The following RANBP2 variants were observed in gnomAD, a reference collection of about 807,000 sequenced individuals.
RANBP2 encodes E3 SUMO-protein ligase RanBP2.
In RANBP2, 57 loss-of-function variants were observed where a neutral mutation model predicts 303.6. The observed-to-expected ratio is 0.19, with a 90% CI of 0.15 to 0.23. RANBP2 has a LOEUF of 0.23. RANBP2 is among the 10% of genes least tolerant of loss of function. The pLI, the probability that RANBP2 is intolerant of heterozygous loss-of-function variation, is 1.00. For synonymous variants in RANBP2, 1,167 were observed against 1,301.5 expected, an observed-to-expected ratio of 0.90 and a Z score of 2.23; for missense variants, 3,138 against 3,780.8, an observed-to-expected ratio of 0.83 and a Z score of 4.46.
the RANBP2 span, among the ~76,000 whole-genome samples, chr2:109,119,151 C>G: frequency 3.3e-5 from 5 of 152,324 alleles, no homozygotes; most frequent in African/African-American, 1.2e-4. Context: ...CTTTGTCAGG[C>G]ATGGAGTTCC....
At chr2:109,321,162 C>G in the RANBP2 span, among the ~76,000 whole-genome samples, 17 of 152,244 alleles carry the variant, frequency 1.1e-4, no homozygotes, top group Admixed American at 4.6e-4. Context: ...ATGCACCTCT[C>G]AAACGCTTCT....
chr2:109,657,883 C>A, the RANBP2 span, among the ~76,000 whole-genome samples: 1 of 151,744 alleles, frequency 6.6e-6, no homozygotes, highest in East Asian at 2.0e-4. Context: ...CCAGGCCTGG[C>A]TAATTTTTGT....
the RANBP2 span, among the ~76,000 whole-genome samples, chr2:109,299,706 A>G: frequency 6.6e-6 from 1 of 152,172 alleles, no homozygotes; most frequent in Non-Finnish European, 1.5e-5. Flanking sequence ...CTAAATAATC[A>G]GGGGGATAAA....
the RANBP2 span, among the ~76,000 whole-genome samples, chr2:109,042,052 A>G: frequency 6.6e-6 from 1 of 152,186 alleles, no homozygotes; most frequent in Admixed American, 6.5e-5. Context: ...TGGGGTTTCC[A>G]CATCTATATT....
chr2:109,383,930 A>G, the RANBP2 span, among the ~76,000 whole-genome samples: 7 of 152,292 alleles, frequency 4.6e-5, no homozygotes, highest in African/African-American at 1.7e-4. Flanking sequence ...TCTGTTAGGT[A>G]GAAGGTTCTG....
At chr2:109,196,927 G>A in the RANBP2 span, among the ~76,000 whole-genome samples, 1 of 152,218 alleles carries the variant, frequency 6.6e-6, no homozygotes, top group South Asian at 2.1e-4. Flanking sequence ...TTGCTGAGTA[G>A]TGCGAAGGCT....
chr2:108,754,473 T>C (rs914813749), intron 15 of RANBP2, among the ~76,000 whole-genome samples: 3 of 150,560 alleles, frequency 2.0e-5, no homozygotes, highest in African/African-American at 5.0e-5. Flanking sequence ...ACTACTCTTT[T>C]ATTAGGATTT....
the RANBP2 span, among the ~76,000 whole-genome samples, chr2:108,965,464 C>CAAAA: frequency 2.0e-4 from 28 of 137,356 alleles, no homozygotes; most frequent in African/African-American, 6.2e-4. Context: ...GATTTCGTCT[C>CAAAA]AAAAAAAAAA....
At chr2:109,129,247 C>A in the RANBP2 span, 1 of 578,872 alleles carries the variant, frequency 1.7e-6, no homozygotes, top group South Asian at 1.7e-5. Context: ...CCCCCGGTCC[C>A]CCGCGCGGGG....
the RANBP2 span, among the ~76,000 whole-genome samples, chr2:109,599,072 T>C: frequency 6.6e-6 from 1 of 152,050 alleles, no homozygotes; most frequent in African/African-American, 2.4e-5. Context: ...TGATCTAAAA[T>C]TTTCTTAAAA....
chr2:108,753,668 C>G, intron 14 of RANBP2, 105 bp downstream of exon 14: 4 of 1,586,660 alleles, frequency 2.5e-6, no homozygotes, highest in Non-Finnish European at 2.6e-6. Flanking sequence ...GTGGCACAAT[C>G]TTGGCTCACT....
chr2:108,939,039 A>G, the RANBP2 span, among the ~76,000 whole-genome samples: 1 of 151,228 alleles, frequency 6.6e-6, no homozygotes, highest in Non-Finnish European at 1.5e-5. Flanking sequence ...CAGCCTCCCA[A>G]AGTGCTGGGA....
chr2:109,538,871 CTA>C, the RANBP2 span, among the ~76,000 whole-genome samples: 1 of 152,188 alleles, frequency 6.6e-6, no homozygotes, highest in Non-Finnish European at 1.5e-5. Flanking sequence ...CATTAATCTT[CTA>C]CACAAATTTG....
At chr2:109,015,779 A>T in the RANBP2 span, among the ~76,000 whole-genome samples, 1 of 152,172 alleles carries the variant, frequency 6.6e-6, no homozygotes, top group Non-Finnish European at 1.5e-5. Context: ...TAAATAAAAT[A>T]AAAAAATAAA....
At chr2:108,794,182 C>T in the RANBP2 span, among the ~76,000 whole-genome samples, 39,794 of 152,058 alleles carry the variant, frequency 0.26, 5,592 homozygotes, top group African/African-American at 0.36. Flanking sequence ...GTAACACTTA[C>T]TTGCATTAGT....
the RANBP2 span, among the ~76,000 whole-genome samples, chr2:109,270,927 C>T: frequency 1.6e-4 from 24 of 152,308 alleles, no homozygotes; most frequent in African/African-American, 4.3e-4. Flanking sequence ...GAGACACCAG[C>T]GGGGCCCTCC....
chr2:109,133,563 G>A, the RANBP2 span, among the ~76,000 whole-genome samples: 108 of 151,728 alleles, frequency 7.1e-4, no homozygotes, highest in Middle Eastern at 0.01. Context: ...TTCAAATAGA[G>A]TGAAGACTAA....
chr2:108,975,504 A>T, the RANBP2 span, among the ~76,000 whole-genome samples: 5 of 152,212 alleles, frequency 3.3e-5, no homozygotes, highest in Admixed American at 6.5e-5. Context: ...AACCCGCGGT[A>T]GCTTGGTGAC....
the RANBP2 span, chr2:108,812,958 A>G: frequency 3.1e-6 from 5 of 1,604,608 alleles, no homozygotes; most frequent in Non-Finnish European, 4.3e-6. Context: ...GATATGATTG[A>G]AAATTTCTCG....
Sources: allele counts gnomAD v4.1 joint callset (sites outside exome capture counted in the v4.1 genomes callset), GRCh38; gene constraint gnomAD v4.1.1; transcripts MANE v1.5; gene names NCBI Gene and HGNC (gene_info 2026-07-23, HGNC 2026-07-21).